DPP6: variants seen among roughly 807,000 people sequenced by gnomAD.
The protein encoded by DPP6 is dipeptidyl peptidase like 6, also known as A-type potassium channel modulatory protein DPP6.
Under a neutral mutation model 122.6 loss-of-function variants are expected in DPP6, and 69 were observed. The ratio of observed to expected loss-of-function variants is 0.56; its 90% CI spans 0.46 to 0.69. DPP6 has a LOEUF of 0.69. Ranked by LOEUF, DPP6 falls within the 30% of genes least tolerant of loss-of-function variation. The pLI is 0.00. For missense variants in DPP6, 928 were observed against 1,116.9 expected (o/e 0.83, Z 2.41); for synonymous variants, 418 against 433.1 (o/e 0.97, Z 0.43).
In DPP6 at chr7:154,875,577, G is replaced by T. The variant is rs534381680; in HGVS notation, c.1884-329G>T. On this transcript the variant is annotated intron_variant, in intron 19 of 25. Transcript: ENST00000377770. This position sits in a 1 kb window ranked among gnomAD's most constrained non-coding sequence, Gnocchi z 4.5. ...GAAACCTTCTTGCCGTGTAGGGAAG[G>T]TCCCCGCAGGGAGAAGGTGGGAGGA... Among the ~76,000 whole-genome samples the T allele has an allele frequency of 1.4e-4, 22 of 152,272 alleles. 1 individual carries two copies. In the South Asian group the frequency reaches 3.5e-3, roughly 24 times the overall value.
chr7:154,883,810 T>C (rs1490714799), intron 21 of DPP6: 3 of 119,894 alleles, frequency 2.5e-5, no homozygotes, highest in African/African-American at 1.0e-4. Context: ...CACGCACACA[T>C]GCTCACACAA....
chr7:154,064,613 C>T (rs1802553337), intron 1 of DPP6, among the ~76,000 whole-genome samples: 1 of 151,896 alleles, frequency 6.6e-6, no homozygotes, highest in Non-Finnish European at 1.5e-5. Context: ...ACATGATGTT[C>T]CCAAAACTCT....
At position 154,625,850 on chromosome 7, in the gene DPP6, TTTTGGA is replaced by T. The variant is rs1301215826; in HGVS notation, c.628-11964_628-11959del. 2.6e-5 allele frequency among the ~76,000 whole-genome samples: 4 copies of T among 152,328 alleles called. No homozygotes were observed. In the East Asian group the frequency reaches 7.7e-4, roughly 29 times the overall value. On this transcript the variant is annotated intron_variant, in intron 5 of 25. Coordinates refer to ENST00000377770, the MANE Select transcript of DPP6 (RefSeq NM_130797.4). ...AATTCATCCCATCTCCCAGCACCTG[TTTTGGA>T]TTTGGAGCCAGTATATGCAGGAGAG... is the stretch of plus-strand genomic sequence containing the variant.
At chr7:154,550,819 C>T (rs746396401) in intron 4 of DPP6, among the ~76,000 whole-genome samples, 6 of 147,936 alleles carry the variant, frequency 4.1e-5, no homozygotes, top group Admixed American at 2.7e-4. Context: ...GGCGCGATCT[C>T]GGCTCACTGC....
At chr7:154,674,525 A>G (rs946219201) in intron 7 of DPP6, among the ~76,000 whole-genome samples, 1 of 152,208 alleles carries the variant, frequency 6.6e-6, no homozygotes, top group Admixed American at 6.5e-5. Context: ...CCCAAGAAAG[A>G]CTGTGCAGCA....
chr7:154,471,838 C>G (rs1475876014), intron 2 of DPP6, among the ~76,000 whole-genome samples: 2 of 151,974 alleles, frequency 1.3e-5, no homozygotes, highest in African/African-American at 4.8e-5. Context: ...AAGCATGAAA[C>G]TATAAAATAT....
At chr7:154,438,469 C>CAAAAA (rs58978160) in intron 1 of DPP6, among the ~76,000 whole-genome samples, 1,058 of 37,548 alleles carry the variant, frequency 0.028, 3 homozygotes, top group East Asian at 0.037. Flanking sequence ...GACTCCAACT[C>CAAAAA]AAAAAAAAAA....
intron 5 of DPP6, among the ~76,000 whole-genome samples, chr7:154,632,309 G>C (rs549241596): frequency 6.6e-6 from 1 of 152,332 alleles, no homozygotes; most frequent in Non-Finnish European, 1.5e-5. Context: ...TTGTAGGAGA[G>C]GAAGGATGGA....
At chr7:154,747,781 G>C (rs180694362) in intron 8 of DPP6, among the ~76,000 whole-genome samples, 1 of 152,076 alleles carries the variant, frequency 6.6e-6, no homozygotes, top group Admixed American at 6.5e-5. Flanking sequence ...ATGCGGAGAC[G>C]GTGTCCAATT....
rs1036202456 is a variant in DPP6 at position 154,893,477 on chromosome 7, A to C, written c.*997A>C. The C allele has an allele frequency of 6.8e-6, 1 of 147,884 alleles. No individual in the cohort carries two copies. Among genetic ancestry groups the C allele is most frequent in the Admixed American group, 6.7e-5 (1 of 14,884 alleles). 9.2% of individuals were successfully genotyped at this position (147,884 alleles called of 1,614,324 possible). ...TAAAAAAAAAAAAAAAAAAAAAAAA[A>C]AAACAGAAAAAAGACAAAGCGTCAA... is the stretch of plus-strand genomic sequence containing the variant. On this transcript the variant is annotated 3_prime_UTR_variant, in exon 26 of 26. Coordinates refer to ENST00000377770, the MANE Select transcript of DPP6 (RefSeq NM_130797.4).
intron 1 of DPP6, chr7:154,305,464 G>T (rs751813315): frequency 6.4e-7 from 1 of 1,572,798 alleles, no homozygotes; most frequent in Non-Finnish European, 8.6e-7. Context: ...GACCCCACCT[G>T]CCCCGGTGGT....
At chr7:154,120,419 T>A (rs564677048) in intron 1 of DPP6, among the ~76,000 whole-genome samples, 1 of 152,144 alleles carries the variant, frequency 6.6e-6, no homozygotes, top group African/African-American at 2.4e-5. Context: ...TAATTTTTTT[T>A]ATTTTTAGTA....
At chr7:154,608,033 G>A (rs368395570) in intron 5 of DPP6, among the ~76,000 whole-genome samples, 1 of 59,268 alleles carries the variant, frequency 1.7e-5, no homozygotes, top group Non-Finnish European at 4.3e-5. Flanking sequence ...AGGCTGGAGT[G>A]CAGTGGCACG....
intron 1 of DPP6, among the ~76,000 whole-genome samples, chr7:154,020,957 C>T (rs1433530184): frequency 6.6e-6 from 1 of 152,088 alleles, no homozygotes; most frequent in African/African-American, 2.4e-5. Context: ...GTGGAAAGAG[C>T]TGTGAGCCTC....
At chr7:154,622,495 T>G (rs973671073) in intron 5 of DPP6, among the ~76,000 whole-genome samples, 2 of 152,166 alleles carry the variant, frequency 1.3e-5, no homozygotes, top group Non-Finnish European at 2.9e-5. Flanking sequence ...CCCACTGGCT[T>G]TTTAGAATTA....
At chr7:154,670,011 C>T (rs1838457896) in intron 7 of DPP6, among the ~76,000 whole-genome samples, 1 of 152,116 alleles carries the variant, frequency 6.6e-6, no homozygotes. Context: ...AGGCGTACTC[C>T]ACCACACCCG....
intron 1 of DPP6, among the ~76,000 whole-genome samples, chr7:154,087,363 A>G (rs1804498813): frequency 6.6e-6 from 1 of 152,140 alleles, no homozygotes; most frequent in South Asian, 2.1e-4. Context: ...TTAAATTGGC[A>G]AGTAATGGGA....
intron 8 of DPP6, among the ~76,000 whole-genome samples, chr7:154,733,636 G>A (rs928313835): frequency 1.2e-4 from 18 of 152,190 alleles, no homozygotes; most frequent in Admixed American, 3.9e-4. Context: ...AGTATTCAAG[G>A]AGGTGGAGAG....
At chr7:154,031,594 C>T (rs1300522412) in intron 1 of DPP6, among the ~76,000 whole-genome samples, 3 of 151,708 alleles carry the variant, frequency 2.0e-5, no homozygotes, top group African/African-American at 7.3e-5. Flanking sequence ...TTTAGGCATA[C>T]CCCTATTTGA....
Sources: allele counts gnomAD v4.1 joint callset (sites outside exome capture counted in the v4.1 genomes callset), GRCh38; gene constraint gnomAD v4.1.1; non-coding constraint Gnocchi (gnomAD v3.1); transcripts MANE v1.5; gene names NCBI Gene and HGNC (gene_info 2026-07-23, HGNC 2026-07-21).